MAP3K9: variants seen among roughly 807,000 people sequenced by gnomAD.
MAP3K9 encodes mixed lineage kinase 1 (tyr and ser/thr specificity).
A neutral mutation model predicts 95.8 loss-of-function variants in MAP3K9; 46 were observed. The observed-to-expected ratio is 0.48, with a 90% CI of 0.38 to 0.61. The LOEUF is 0.61. MAP3K9 is among the 20% of genes least tolerant of loss of function. The pLI is 0.00. For missense variants in MAP3K9, 1,296 were observed against 1,474.3 expected, an observed-to-expected ratio of 0.88 and a Z score of 1.98; for synonymous variants, 533 against 593.8, an observed-to-expected ratio of 0.90 and a Z score of 1.49.
chr14:70,772,709 GTTGA>G (rs756978631), intron 2 of MAP3K9, among the ~76,000 whole-genome samples: 13 of 152,222 alleles, frequency 8.5e-5, no homozygotes, highest in Admixed American at 1.3e-4. Context: ...TTTAGTGTGT[GTTGA>G]TTAAGAAGAA....
rs750078206 is a variant in MAP3K9, at chr14:70,809,044, ACCGCCG to A, written c.122_127del (p.Ala41_Ala42del). ...GTCGCAGCCCAGCTCCCCGGGGCCC[ACCGCCG>A]CCGCCGCCTCCTCCTCCTCCTCCTC... On this transcript the variant is annotated inframe_deletion, in exon 1 of 12. Coordinates refer to ENST00000554752, the MANE Select transcript of MAP3K9 (RefSeq NM_001284230.2). 495 of 1,442,488 alleles carry A rather than the reference ACCGCCG, an allele frequency of 3.4e-4. 2 individuals carry two copies. In the African/African-American group the frequency reaches 7.0e-3, roughly 20 times the overall value. The allele number at this position is 1,442,488 out of a possible 1,614,324, so 89.4% of individuals were successfully genotyped here.
chr14:70,736,245 G>C (rs952182785), intron 8 of MAP3K9, among the ~76,000 whole-genome samples: 1 of 152,162 alleles, frequency 6.6e-6, no homozygotes, highest in South Asian at 2.1e-4. Context: ...GCTGCAGCAC[G>C]GTTGCAGGGG....
intron 4 of MAP3K9, 70 bp downstream of exon 4, chr14:70,749,863 G>A: frequency 6.4e-7 from 1 of 1,566,004 alleles, no homozygotes; most frequent in East Asian, 2.2e-5. Context: ...TCACAGAATT[G>A]GCCAAACTCT....
intron 1 of MAP3K9, among the ~76,000 whole-genome samples, chr14:70,803,303 C>T (rs1594816365): frequency 7.7e-6 from 1 of 129,812 alleles, no homozygotes; most frequent in East Asian, 2.4e-4. Flanking sequence ...GACTAACACA[C>T]TATCTCAGGA....
At chr14:70,794,966 C>T (rs1371479833) in intron 2 of MAP3K9, among the ~76,000 whole-genome samples, 1 of 143,030 alleles carries the variant, frequency 7.0e-6, no homozygotes, top group East Asian at 2.1e-4. Flanking sequence ...AATGAGCCAC[C>T]GTGACCAGCC....
At position 70,735,963 on chromosome 14, in the gene MAP3K9, C is replaced by T; in HGVS notation, c.1911G>A (p.Leu637=). ...GAAAGGGTGAAGATGAGACTCACCCCAAGTGGAAATGTGGAGATTCTGATG... is the reference window on the plus strand; with the variant it reads ...GAAAGGGTGAAGATGAGACTCACCCTAAGTGGAAATGTGGAGATTCTGATG... The part of the protein sequence containing the change: ...STPSESPHFH[L]GLKSLVDGYK... The change falls in exon 9 of 12, where the codon TTG becomes TTA. Residue 637 remains leucine (L), a splice_region_variant and synonymous_variant. Coordinates refer to ENST00000554752, the MANE Select transcript of MAP3K9 (RefSeq NM_001284230.2). 1.2e-6 allele frequency: 2 copies of T among 1,611,022 alleles called. No individual in the cohort carries two copies. Among genetic ancestry groups the T allele is most frequent in the Non-Finnish European group, 1.7e-6 (2 of 1,177,234 alleles).
In MAP3K9 at chr14:70,730,884, G is replaced by T; in HGVS notation, c.2831-20C>A. On this transcript the variant is annotated intron_variant, in intron 11 of 11. Transcript: ENST00000554752. ...ACATTCCTGGTCAAAAAGACAAAAG[G>T]AGAAGCATCAGATGAGGCACCATAT... The T allele has an allele frequency of 6.3e-7, 1 of 1,586,990 alleles. No homozygotes were observed. Among genetic ancestry groups the T allele is most frequent in the South Asian group, 1.1e-5 (1 of 89,798 alleles).
At chr14:70,800,228 T>A (rs948426531) in intron 2 of MAP3K9, among the ~76,000 whole-genome samples, 5 of 152,290 alleles carry the variant, frequency 3.3e-5, no homozygotes, top group Middle Eastern at 3.4e-3. Context: ...CTTCTTACAG[T>A]CCCTTCTGTG....
At chr14:70,731,482 G>A (rs1594761249) in intron 11 of MAP3K9, among the ~76,000 whole-genome samples, 1 of 152,150 alleles carries the variant, frequency 6.6e-6, no homozygotes. Context: ...ACATTTTATT[G>A]AAACACAGCC....
At chr14:70,783,787 C>T (rs1158821785) in intron 2 of MAP3K9, among the ~76,000 whole-genome samples, 1 of 151,960 alleles carries the variant, frequency 6.6e-6, no homozygotes, top group Non-Finnish European at 1.5e-5. Context: ...AAGAAACACC[C>T]CAGAAAGGCC....
chr14:70,802,131 C>G (rs893008482), intron 1 of MAP3K9, among the ~76,000 whole-genome samples: 1 of 152,202 alleles, frequency 6.6e-6, no homozygotes, highest in African/African-American at 2.4e-5. Flanking sequence ...CTGGAGGACA[C>G]AGACCCAACA....
chr14:70,788,799 T>C (rs1365710921), intron 2 of MAP3K9, among the ~76,000 whole-genome samples: 1 of 152,178 alleles, frequency 6.6e-6, no homozygotes, highest in Non-Finnish European at 1.5e-5. Flanking sequence ...ACAAAGCTCT[T>C]ATACAGAGAT....
rs2053877772 is a variant in MAP3K9 at position 70,730,357 on chromosome 14, T to G, written c.*23A>C. ...CCTCATCTCCGCTGGCTGTCCCCCTTGCCCGCCCCAATCCTTTTCGTGCTA... is the reference window on the plus strand; with the variant it reads ...CCTCATCTCCGCTGGCTGTCCCCCTGGCCCGCCCCAATCCTTTTCGTGCTA... On this transcript the variant is annotated 3_prime_UTR_variant, in exon 12 of 12. Coordinates refer to ENST00000554752, the MANE Select transcript of MAP3K9 (RefSeq NM_001284230.2). The G allele has an allele frequency of 6.3e-7, 1 of 1,587,144 alleles. No individual in the cohort carries two copies. The highest frequency in any genetic ancestry group is 1.1e-5 in the South Asian group (1 of 88,486).
At chr14:70,780,556 C>T (rs1278535178) in intron 2 of MAP3K9, among the ~76,000 whole-genome samples, 1 of 152,194 alleles carries the variant, frequency 6.6e-6, no homozygotes, top group African/African-American at 2.4e-5. Context: ...TAAAATATAA[C>T]TGCTTCAAAA....
Position 70,733,098 on chromosome 14 carries a change from C to T in MAP3K9, c.2271G>A (p.Gly757=), listed in dbSNP as rs747001676. ...RRCEVALLGC[G]AVLAATGLGF... Reference sequence around the variant, plus strand: ...CTAGGCCTGTGGCTGCCAGAACAGCCCCACAGCCGAGCAGAGCCACCTCGC... The same window carrying T: ...CTAGGCCTGTGGCTGCCAGAACAGCTCCACAGCCGAGCAGAGCCACCTCGC... The change falls in exon 11 of 12, where the codon GGG becomes GGA. Residue 757 remains glycine, a synonymous_variant. Transcript: ENST00000554752. The T allele has an allele frequency of 3.1e-5, 50 of 1,614,010 alleles. No individual in the cohort carries two copies. The highest frequency in any genetic ancestry group is 3.3e-4 in the Middle Eastern group (2 of 6,084).
chr14:70,794,247 G>C (rs1464594394), intron 2 of MAP3K9, among the ~76,000 whole-genome samples: 1 of 152,210 alleles, frequency 6.6e-6, no homozygotes, highest in Non-Finnish European at 1.5e-5. Context: ...GAGGAAGACA[G>C]GTGTGCCTAG....
intron 2 of MAP3K9, among the ~76,000 whole-genome samples, chr14:70,770,959 G>A (rs190956084): frequency 2.6e-5 from 4 of 152,032 alleles, no homozygotes; most frequent in Admixed American, 2.0e-4. Context: ...GCTGTCTCCA[G>A]TCCAGTAACT....
At chr14:70,734,338 C>T (rs2053954196) in intron 10 of MAP3K9, 48 bp downstream of exon 10, 1 of 1,355,598 alleles carries the variant, frequency 7.4e-7, no homozygotes, top group Non-Finnish European at 1.1e-6. Flanking sequence ...AAGAATGCCC[C>T]CAGGGAGCAG....
chr14:70,727,754 C>G lies in MAP3K9; in HGVS notation c.*2626G>C, dbSNP rs1012304275. ...ACAGTAGCACCTTTGGATAGCCCTG[C>G]TTTTGCTTCTTTCAGGTACAATTAT... On this transcript the variant is annotated 3_prime_UTR_variant, in exon 12 of 12. Coordinates refer to ENST00000554752, the MANE Select transcript of MAP3K9 (RefSeq NM_001284230.2). 5.3e-5 allele frequency: 8 copies of G among 152,340 alleles called. No individual in the cohort carries two copies. The highest frequency in any genetic ancestry group is 1.9e-4 in the African/African-American group (8 of 41,562). The allele number at this position is 152,340 out of a possible 1,614,324, so 9.4% of individuals were successfully genotyped here.
Sources: gnomAD v4.1 joint callset for allele counts (sites outside exome capture counted in the v4.1 genomes callset) on GRCh38, gnomAD v4.1.1 for gene constraint, MANE v1.5 for transcripts, NCBI Gene and HGNC (gene_info 2026-07-23, HGNC 2026-07-21) for gene names.